DCDC1: variants seen among roughly 807,000 people sequenced by gnomAD.
DCDC1 encodes doublecortin domain-containing protein 1.
A neutral mutation model predicts 178.3 loss-of-function variants in DCDC1; 200 were observed. The observed-to-expected ratio is 1.12, with a 90% CI of 1.00 to 1.26. The LOEUF is 1.26. Among genes scored for constraint, DCDC1 ranks in the 50% most tolerant of loss-of-function variants. The pLI, the probability that DCDC1 is intolerant of heterozygous loss-of-function variation, is 0.00. For missense variants in DCDC1, 1,983 were observed against 1,749.2 expected, an observed-to-expected ratio of 1.13 and a Z score of -2.38; for synonymous variants, 690 against 604.8, an observed-to-expected ratio of 1.14 and a Z score of -2.07.
At chr11:31,200,898 C>T (rs989740059) in intron 9 of DCDC1, among the ~76,000 whole-genome samples, 4 of 151,774 alleles carry the variant, frequency 2.6e-5, no homozygotes, top group Admixed American at 2.0e-4. Context: ...CCCAAGTACT[C>T]CAGAAATATA....
intron 20 of DCDC1, among the ~76,000 whole-genome samples, chr11:31,032,154 G>A (rs1016514286): frequency 6.6e-6 from 1 of 152,000 alleles, no homozygotes; most frequent in African/African-American, 2.4e-5. Flanking sequence ...CATTTTATAT[G>A]TCCATCAAAT....
chr11:31,111,120 G>T (rs1300680229), intron 11 of DCDC1, among the ~76,000 whole-genome samples: 1 of 152,104 alleles, frequency 6.6e-6, no homozygotes, highest in Non-Finnish European at 1.5e-5. Flanking sequence ...AGGCAAGAAA[G>T]GAAGCAGCTG....
At chr11:31,035,904 C>T (rs992007348) in intron 20 of DCDC1, among the ~76,000 whole-genome samples, 6 of 152,058 alleles carry the variant, frequency 3.9e-5, no homozygotes, top group Non-Finnish European at 5.9e-5. Context: ...ATTCAGGATG[C>T]GTTTATAAGA....
intron 8 of DCDC1, among the ~76,000 whole-genome samples, chr11:31,256,181 T>C (rs1944407164): frequency 6.6e-6 from 1 of 152,190 alleles, no homozygotes; most frequent in South Asian, 2.1e-4. Context: ...CATTGATCTA[T>C]ATGCCTATCC....
In DCDC1 at chr11:30,925,407, AC is replaced by A. The variant is rs781644206; in HGVS notation, c.2898del (p.Gln966HisfsTer6). The A allele has an allele frequency of 6.2e-7, 1 of 1,613,434 alleles. No individual in the cohort carries two copies. The highest frequency in any genetic ancestry group is 8.5e-7 in the Non-Finnish European group (1 of 1,179,668). On this transcript the variant is annotated frameshift_variant and splice_region_variant, in exon 23 of 39. Coordinates refer to ENST00000684477, the MANE Select transcript of DCDC1 (RefSeq NM_001387274.1). LOFTEE classifies it high-confidence loss of function. ...GPDISPGRKTQCTEILNLPSA... is the reference protein window; with the variant it reads ...GPDISPGRKTXCTEILNLPSA... Reference sequence around the variant, plus strand: ...GAAGGTAAATTTAAAATCTCAGTGCACCTGTAATAAAAGACACAAAAATTGA... The same window carrying A: ...GAAGGTAAATTTAAAATCTCAGTGCACTGTAATAAAAGACACAAAAATTGA...
At chr11:31,088,220 C>A (rs1364211545) in intron 17 of DCDC1, among the ~76,000 whole-genome samples, 1 of 151,730 alleles carries the variant, frequency 6.6e-6, no homozygotes, top group East Asian at 1.9e-4. Context: ...AAGTTAATTT[C>A]TTATAGGTAG....
rs530365801 is a variant in DCDC1, at chr11:31,273,492, A to G, written c.961-7892T>C. Among the ~76,000 whole-genome samples, 314 of 152,264 alleles carry G rather than the reference A, an allele frequency of 2.1e-3. 2 individuals are homozygous for G. Among genetic ancestry groups the G allele is most frequent in the African/African-American group, 7.1e-3 (296 of 41,540 alleles). On this transcript the variant is annotated intron_variant, in intron 7 of 38. Coordinates refer to ENST00000684477, the MANE Select transcript of DCDC1 (RefSeq NM_001387274.1). ...ACAAGTCACCTTTGCTCCAGTTCCC[A>G]ACAAGTTCCTTATCTCCATTTAAGA...
chr11:31,201,253 A>T (rs1243462474), intron 9 of DCDC1, among the ~76,000 whole-genome samples: 2 of 151,948 alleles, frequency 1.3e-5, no homozygotes, highest in Admixed American at 6.6e-5. Flanking sequence ...TAAATAAGAG[A>T]ACAGTATAAA....
At chr11:31,114,529 G>T (rs1009104454) in intron 11 of DCDC1, among the ~76,000 whole-genome samples, 2 of 152,024 alleles carry the variant, frequency 1.3e-5, no homozygotes, top group African/African-American at 4.8e-5. Flanking sequence ...CTTCAAAGAG[G>T]GAAAACAATT....
At chr11:31,085,752 G>C (rs1012546686) in intron 17 of DCDC1, among the ~76,000 whole-genome samples, 7 of 152,080 alleles carry the variant, frequency 4.6e-5, no homozygotes, top group Admixed American at 6.6e-5. Context: ...CTGTCACTCA[G>C]GGAGAAGTGC....
chr11:30,903,450 G>A, intron 32 of DCDC1, 32 bp downstream of exon 32: 1 of 1,518,444 alleles, frequency 6.6e-7, no homozygotes. Flanking sequence ...AGCATAAGTA[G>A]AATCAGCTAA....
chr11:31,198,872 A>G (rs1181769745), intron 9 of DCDC1, among the ~76,000 whole-genome samples: 1 of 152,088 alleles, frequency 6.6e-6, no homozygotes, highest in Non-Finnish European at 1.5e-5. Flanking sequence ...TGCCCCCAAA[A>G]GCTGACCTCT....
chr11:31,034,120 G>A (rs1226151645), intron 20 of DCDC1, among the ~76,000 whole-genome samples: 2 of 148,374 alleles, frequency 1.3e-5, no homozygotes, highest in African/African-American at 2.5e-5. Flanking sequence ...CTCCAGTCTG[G>A]GCGACAGAGT....
chr11:30,880,017 G>A (rs1004438021), intron 37 of DCDC1, among the ~76,000 whole-genome samples: 14 of 152,220 alleles, frequency 9.2e-5, no homozygotes, highest in African/African-American at 1.9e-4. Flanking sequence ...ATTATTTCAC[G>A]TGTGTTCATA....
At chr11:31,000,914 T>C (rs2135024357) in intron 20 of DCDC1, among the ~76,000 whole-genome samples, 1 of 152,316 alleles carries the variant, frequency 6.6e-6, no homozygotes, top group Non-Finnish European at 1.5e-5. Context: ...CATATAATTA[T>C]ATATACATGT....
chr11:30,937,962 C>T (rs751864969), intron 21 of DCDC1, among the ~76,000 whole-genome samples: 14 of 152,134 alleles, frequency 9.2e-5, no homozygotes, highest in Non-Finnish European at 2.9e-5. Context: ...AACTCTCCTC[C>T]ACATCCCTTT....
chr11:31,164,849 C>T (rs1331838958), intron 9 of DCDC1, among the ~76,000 whole-genome samples: 1 of 152,176 alleles, frequency 6.6e-6, no homozygotes, highest in African/African-American at 2.4e-5. Flanking sequence ...CATTTGCTCA[C>T]CACTCCCTCA....
At chr11:30,914,908 T>C (rs1170495043) in intron 27 of DCDC1, among the ~76,000 whole-genome samples, 1 of 152,210 alleles carries the variant, frequency 6.6e-6, no homozygotes, top group African/African-American at 2.4e-5. Context: ...CTTAATGTCA[T>C]CAGATAGCCA....
In DCDC1 at chr11:31,210,887, C is replaced by T. The variant is rs569189090; in HGVS notation, c.1221+30563G>A. On this transcript the variant is annotated intron_variant, in intron 9 of 38. Transcript: ENST00000684477. ...AGAGGATATCTTACTCACATTCACA[C>T]GGTAAGAGGCACCTCCGGATTCTAC... is the stretch of plus-strand genomic sequence containing the variant. Among the ~76,000 whole-genome samples the T allele has an allele frequency of 7.9e-4, 120 of 152,214 alleles. 1 individual carries two copies. Among genetic ancestry groups the T allele is most frequent in the Middle Eastern group, 3.4e-3 (1 of 294 alleles).
Sources: gnomAD v4.1 joint callset for allele counts (sites outside exome capture counted in the v4.1 genomes callset) on GRCh38, gnomAD v4.1.1 for gene constraint, MANE v1.5 for transcripts, NCBI Gene and HGNC (gene_info 2026-07-23, HGNC 2026-07-21) for gene names.